Variants in CALN1 observed in about 807,000 individuals in gnomAD.
CALN1 encodes calcium-binding protein 8.
CALN1 carries 17 observed loss-of-function variants against 30.6 expected under a neutral mutation model. The ratio of observed to expected loss-of-function variants is 0.56; its 90% CI spans 0.38 to 0.83. The LOEUF is 0.83. Ranked by LOEUF, CALN1 falls within the 40% of genes least tolerant of loss-of-function variation. The pLI, the probability that CALN1 is intolerant of heterozygous loss-of-function variation, is 0.00. For missense variants in CALN1, 291 were observed against 354.9 expected (o/e 0.82, Z 1.45); for synonymous variants, 156 against 131.4 (o/e 1.19, Z -1.28).
In CALN1 at chr7:72,249,768, C is replaced by T. The variant is rs567865563; in HGVS notation, c.244+28918G>A. Among the ~76,000 whole-genome samples the T allele has an allele frequency of 2.8e-4, 42 of 152,190 alleles. No homozygotes were observed. In the South Asian group the frequency reaches 2.9e-3, roughly 11 times the overall value. On this transcript the variant is annotated intron_variant, in intron 3 of 6. Coordinates refer to ENST00000395275, the MANE Select transcript of CALN1 (RefSeq NM_031468.4). ...CCTTGTCAACATGGCTAAAGCCTGT[C>T]TCTACAAAAAATACAAAAATTAGCT... is the stretch of plus-strand genomic sequence containing the variant.
chr7:71,916,224 C>T (rs555396311), intron 5 of CALN1, among the ~76,000 whole-genome samples: 3 of 151,768 alleles, frequency 2.0e-5, no homozygotes, highest in Non-Finnish European at 4.4e-5. Flanking sequence ...TATATACTAG[C>T]GATATAAACA....
intron 3 of CALN1, among the ~76,000 whole-genome samples, chr7:72,252,777 TTTA>T (rs1795651432): frequency 6.6e-6 from 1 of 152,050 alleles, no homozygotes; most frequent in African/African-American, 2.4e-5. Flanking sequence ...TCCTGCTTAT[TTTA>T]TTTTCTGTAA....
intron 4 of CALN1, chr7:72,104,359 T>G (rs1326807578): frequency 6.6e-6 from 1 of 152,238 alleles, no homozygotes; most frequent in Non-Finnish European, 1.5e-5. Flanking sequence ...AGATGTGGAA[T>G]TCCTTTTTGG....
chr7:72,165,897 T>C (rs1217173931), intron 3 of CALN1, among the ~76,000 whole-genome samples: 1 of 152,144 alleles, frequency 6.6e-6, no homozygotes, highest in Non-Finnish European at 1.5e-5. Context: ...TGAACCGTGA[T>C]GTTGCCAAGA....
At chr7:72,284,658 T>C (rs1017455918) in intron 2 of CALN1, among the ~76,000 whole-genome samples, 22 of 152,202 alleles carry the variant, frequency 1.4e-4, no homozygotes, top group Admixed American at 1.3e-3. Context: ...GACTGGAGCT[T>C]TTCACTATCT....
chr7:72,287,378 T>G (rs1472574316), intron 2 of CALN1, among the ~76,000 whole-genome samples: 3 of 151,854 alleles, frequency 2.0e-5, no homozygotes, highest in African/African-American at 7.3e-5. Context: ...ACCTGCATGG[T>G]TCACTCTATA....
intron 6 of CALN1, among the ~76,000 whole-genome samples, chr7:71,794,057 T>C (rs929487908): frequency 1.3e-5 from 2 of 152,192 alleles, no homozygotes; most frequent in Non-Finnish European, 2.9e-5. Flanking sequence ...AGTGCTTTTT[T>C]TTTATGTGCA....
intron 4 of CALN1, among the ~76,000 whole-genome samples, chr7:72,068,933 TATTG>T (rs752135109): frequency 8.5e-5 from 13 of 152,242 alleles, no homozygotes; most frequent in Non-Finnish European, 1.6e-4. Flanking sequence ...GTGATTATCT[TATTG>T]ATTGAGGACG....
chr7:72,193,045 G>T (rs374917139), intron 3 of CALN1, among the ~76,000 whole-genome samples: 3 of 151,844 alleles, frequency 2.0e-5, no homozygotes, highest in African/African-American at 7.3e-5. Context: ...AAAATTAGCC[G>T]GGAGTGGTAC....
At chr7:71,875,160 CAAAAAAAAAAAAAA>C (rs3063970) in intron 5 of CALN1, among the ~76,000 whole-genome samples, 1 of 68,726 alleles carries the variant, frequency 1.5e-5, no homozygotes, top group Non-Finnish European at 2.7e-5. Context: ...GACTCTGTCT[CAAAAAAAAAAAAAA>C]AAAAAAAAAA....
At chr7:72,080,979 C>T (rs1805097814) in intron 4 of CALN1, among the ~76,000 whole-genome samples, 1 of 152,068 alleles carries the variant, frequency 6.6e-6, no homozygotes, top group African/African-American at 2.4e-5. Flanking sequence ...AAGCTCCCTT[C>T]GCCTAATCTG....
chr7:72,290,358 C>A (rs1281778360), intron 2 of CALN1, among the ~76,000 whole-genome samples: 1 of 152,132 alleles, frequency 6.6e-6, no homozygotes, highest in African/African-American at 2.4e-5. Flanking sequence ...GTGGCAGCAA[C>A]AGCTTCTGAA....
rs990515643 is a variant in CALN1 at position 72,105,705 on chromosome 7, T to C, written c.388+446A>G. On this transcript the variant is annotated intron_variant, in intron 4 of 6. Coordinates refer to ENST00000395275, the MANE Select transcript of CALN1 (RefSeq NM_031468.4). ...TGAATTTTAGAGTATGTGAATTCTA[T>C]CTCAACAAAGCTGTTATTTAGAAGA... Among the ~76,000 whole-genome samples, 47 of 148,840 alleles carry C rather than the reference T, an allele frequency of 3.2e-4. 1 individual carries two copies. Among genetic ancestry groups the C allele is most frequent in the Non-Finnish European group, 4.4e-5 (3 of 67,508 alleles).
intron 1 of CALN1, among the ~76,000 whole-genome samples, chr7:72,435,688 A>G (rs1808133493): frequency 6.6e-6 from 1 of 152,222 alleles, no homozygotes; most frequent in Non-Finnish European, 1.5e-5. Flanking sequence ...TCCGTTTGAC[A>G]GAGCCGCTTT....
chr7:72,474,983 C>G, the CALN1 span, among the ~76,000 whole-genome samples: 5 of 152,038 alleles, frequency 3.3e-5, no homozygotes, highest in Admixed American at 3.3e-4. Flanking sequence ...AGTACTTTGT[C>G]CCCCCCAAGC....
the CALN1 span, among the ~76,000 whole-genome samples, chr7:72,468,687 TGTACAATGG>T: frequency 5.3e-5 from 8 of 152,112 alleles, no homozygotes; most frequent in Non-Finnish European, 1.2e-4. Flanking sequence ...CCACCTGCAA[TGTACAATGG>T]GTTCCAATTT....
At chr7:72,014,723 A>T (rs1407332192) in intron 5 of CALN1, among the ~76,000 whole-genome samples, 1 of 152,090 alleles carries the variant, frequency 6.6e-6, no homozygotes, top group Non-Finnish European at 1.5e-5. Flanking sequence ...GTGCAGTGGC[A>T]TGATCATGGC....
chr7:72,346,459 C>T (rs1293276309), intron 2 of CALN1, among the ~76,000 whole-genome samples: 7 of 152,152 alleles, frequency 4.6e-5, no homozygotes, highest in South Asian at 2.1e-4. Context: ...CACATACATT[C>T]TGTCCTGATT....
At chr7:72,451,209 AAGG>A (rs546106123), upstream of CALN1, among the ~76,000 whole-genome samples, 7,791 of 125,734 alleles carry the variant, frequency 0.062, 536 homozygotes, top group East Asian at 0.38. Flanking sequence ...GAAGAAGAAG[AAGG>A]AGGAGGAGGA....
Sources: gnomAD v4.1 joint callset for allele counts (sites outside exome capture counted in the v4.1 genomes callset) on GRCh38, gnomAD v4.1.1 for gene constraint, MANE v1.5 for transcripts, NCBI Gene and HGNC (gene_info 2026-07-23, HGNC 2026-07-21) for gene names.